The following RNF145 variants were observed in gnomAD, a reference collection of about 807,000 sequenced individuals.
The protein encoded by RNF145 is ring finger protein 145.
In RNF145, 12 loss-of-function variants were observed where a neutral mutation model predicts 57.3. The ratio of observed to expected loss-of-function variants is 0.21; its 90% CI spans 0.13 to 0.34. The LOEUF is 0.34. Among genes scored for constraint, RNF145 ranks in the 10% least tolerant of loss-of-function variants. The pLI is 1.00. For missense variants in RNF145, 429 were observed against 799.0 expected, an observed-to-expected ratio of 0.54 and a Z score of 5.58; for synonymous variants, 262 against 288.3, an observed-to-expected ratio of 0.91 and a Z score of 0.92.
rs1035501342 is a variant in RNF145 at position 159,209,212 on chromosome 5, G to C, written c.-40+19C>G. ...GGGGGCGCGGGGATGGGAAGGGGCCGGGCGGGCGGCGTGGTCACCTCAGGC... is the reference window on the plus strand; with the variant it reads ...GGGGGCGCGGGGATGGGAAGGGGCCCGGCGGGCGGCGTGGTCACCTCAGGC... On this transcript the variant is annotated intron_variant, in intron 1 of 10. Transcript: ENST00000424310. 1 of 978,338 alleles carries C rather than the reference G, an allele frequency of 1.0e-6. No individual in the cohort carries two copies. The highest frequency in any genetic ancestry group is 1.8e-5 in the African/African-American group (1 of 56,852). The allele number at this position is 978,338 out of a possible 1,614,324, so 60.6% of individuals were successfully genotyped here.
At chr5:159,176,034 C>CA (rs2113135850) in intron 5 of RNF145, among the ~76,000 whole-genome samples, 1 of 152,154 alleles carries the variant, frequency 6.6e-6, no homozygotes, top group South Asian at 2.1e-4. Context: ...GAAACTTTTA[C>CA]AAAAAGCATG....
At chr5:159,179,223 G>T (rs926399076) in intron 4 of RNF145, among the ~76,000 whole-genome samples, 2 of 152,058 alleles carry the variant, frequency 1.3e-5, no homozygotes, top group African/African-American at 2.4e-5. Context: ...GTATTTAAGA[G>T]AAGACTACTC....
At chr5:159,174,302 T>C in intron 5 of RNF145, 144 bp from the exon 6 acceptor site, 1 of 613,536 alleles carries the variant, frequency 1.6e-6, no homozygotes, top group Non-Finnish European at 2.8e-6. Context: ...AAAGTTAGCC[T>C]ATATAGTTAA....
chr5:159,200,249 T>G (rs1460860046), intron 2 of RNF145, among the ~76,000 whole-genome samples: 2 of 151,462 alleles, frequency 1.3e-5, no homozygotes, highest in East Asian at 3.9e-4. Context: ...CATAGAAAAC[T>G]AACCATAAAA....
intron 8 of RNF145, among the ~76,000 whole-genome samples, chr5:159,167,683 A>G (rs935461554): frequency 2.0e-5 from 3 of 152,210 alleles, no homozygotes; most frequent in African/African-American, 7.2e-5. Context: ...TAAATGCTTC[A>G]GTCAAGAAAC....
chr5:159,190,681 CAAAAAAA>C (rs58247587), intron 3 of RNF145, among the ~76,000 whole-genome samples: 1 of 87,300 alleles, frequency 1.1e-5, no homozygotes, highest in African/African-American at 4.9e-5. Context: ...ACAACCATCT[CAAAAAAA>C]AAAAAAAAAA....
intron 1 of RNF145, among the ~76,000 whole-genome samples, chr5:159,208,395 G>C (rs1785977417): frequency 6.6e-6 from 1 of 152,260 alleles, no homozygotes; most frequent in Non-Finnish European, 1.5e-5. Context: ...TCCCCGAACA[G>C]AAAGGGAACT....
intron 3 of RNF145, among the ~76,000 whole-genome samples, chr5:159,183,831 G>T (rs151324078): frequency 6.6e-6 from 1 of 152,270 alleles, no homozygotes; most frequent in African/African-American, 2.4e-5. Flanking sequence ...CTGGGGAGAA[G>T]GGGAGATGAG....
intron 1 of RNF145, among the ~76,000 whole-genome samples, chr5:159,205,691 T>C (rs918394194): frequency 6.6e-6 from 1 of 152,216 alleles, no homozygotes; most frequent in African/African-American, 2.4e-5. Context: ...ACAGTCTTTA[T>C]ACTGCCATCG....
At chr5:159,162,861 T>C in intron 9 of RNF145, 71 bp downstream of exon 9, 1 of 1,298,124 alleles carries the variant, frequency 7.7e-7, no homozygotes, top group Non-Finnish European at 1.1e-6. Flanking sequence ...CTTGAAAAAA[T>C]TTAATTCCTC....
chr5:159,172,179 T>C (rs758200220), intron 6 of RNF145, among the ~76,000 whole-genome samples: 2 of 152,168 alleles, frequency 1.3e-5, no homozygotes, highest in African/African-American at 4.8e-5. Flanking sequence ...CTATATGCAG[T>C]TACTTTTTGG....
At chr5:159,207,680 A>G in intron 1 of RNF145, 1 of 1,611,566 alleles carries the variant, frequency 6.2e-7, no homozygotes, top group South Asian at 1.1e-5. Context: ...CATTTCTTAC[A>G]TAAGCAATGG....
intron 8 of RNF145, among the ~76,000 whole-genome samples, chr5:159,168,437 C>G (rs1784452061): frequency 6.6e-6 from 1 of 152,044 alleles, no homozygotes; most frequent in Admixed American, 6.6e-5. Context: ...TACCTGATAG[C>G]CTCTATTTTC....
At chr5:159,176,583 C>T (rs1158138123) in intron 5 of RNF145, 49 bp downstream of exon 5, 4 of 1,070,082 alleles carry the variant, frequency 3.7e-6, no homozygotes, top group Non-Finnish European at 5.7e-6. Flanking sequence ...ATGTACTTAA[C>T]ATTTATGTAG....
chr5:159,207,504 T>TAAA, intron 1 of RNF145: 1 of 1,276,676 alleles, frequency 7.8e-7, no homozygotes, highest in Non-Finnish European at 1.0e-6. Context: ...CCCAACCAGT[T>TAAA]AAAAAAAAAA....
In RNF145 at chr5:159,182,042, A is replaced by G; in HGVS notation, c.303T>C (p.Val101=). 6.3e-7 allele frequency: 1 copy of G among 1,595,414 alleles called. No individual in the cohort carries two copies. Among genetic ancestry groups the G allele is most frequent in the South Asian group, 1.1e-5 (1 of 90,600 alleles). The change falls in exon 4 of 11, where the codon GTT becomes GTC. Residue 101 remains valine, a synonymous_variant. Coordinates refer to ENST00000424310, the MANE Select transcript of RNF145 (RefSeq NM_001199383.2). ...YAGHQISRDY[V]RSELEFAYEG... ...CATAGGCAAACTCCAGTTCACTCCGAACATAGTCCCTAAATAAGAAAATTG... is the reference window on the plus strand; with the variant it reads ...CATAGGCAAACTCCAGTTCACTCCGGACATAGTCCCTAAATAAGAAAATTG...
Position 159,195,368 on chromosome 5 carries a change from T to C in RNF145, c.185-544A>G, listed in dbSNP as rs555872165. On this transcript the variant is annotated intron_variant, in intron 2 of 10. Transcript: ENST00000424310. ...AAACTTCTTTTCACTGCGATTTTTTTCCTATTATTTTTCTCATTCCACTGT... is the reference window on the plus strand; with the variant it reads ...AAACTTCTTTTCACTGCGATTTTTTCCCTATTATTTTTCTCATTCCACTGT... Among the ~76,000 whole-genome samples the C allele has an allele frequency of 2.1e-4, 32 of 152,310 alleles. No homozygotes were observed. In the East Asian group the frequency reaches 4.6e-3, roughly 22 times the overall value.
intron 1 of RNF145, chr5:159,207,867 G>C (rs746796461): frequency 4.3e-6 from 7 of 1,613,982 alleles, no homozygotes; most frequent in Non-Finnish European, 5.9e-6. Flanking sequence ...AAGGAACAGA[G>C]AGAGGAAATA....
chr5:159,208,464 A>T (rs1468764255), intron 1 of RNF145, among the ~76,000 whole-genome samples: 1 of 152,078 alleles, frequency 6.6e-6, no homozygotes, highest in Non-Finnish European at 1.5e-5. Context: ...GCAGTATTGG[A>T]GGGAGAAGAC....
Sources: allele counts gnomAD v4.1 joint callset (sites outside exome capture counted in the v4.1 genomes callset), GRCh38; gene constraint gnomAD v4.1.1; transcripts MANE v1.5; gene names NCBI Gene and HGNC (gene_info 2026-07-23, HGNC 2026-07-21).